KLF12: variants seen among roughly 807,000 people sequenced by gnomAD.
KLF12 encodes KLF transcription factor 12.
In KLF12, 9 loss-of-function variants were observed where a neutral mutation model predicts 37.8. That is an observed-to-expected ratio of 0.24 (90% CI 0.14 to 0.42). The LOEUF is 0.42. Ranked by LOEUF, KLF12 falls within the 10% of genes least tolerant of loss-of-function variation. The probability of loss-of-function intolerance (pLI) is 1.00; values close to 1 mark genes in which losing one functional copy is unlikely to be tolerated. For missense variants in KLF12, 411 were observed against 516.0 expected (o/e 0.80, Z 1.97); for synonymous variants, 208 against 202.1 (o/e 1.03, Z -0.25).
At chr13:74,240,032 C>T in the KLF12 span, among the ~76,000 whole-genome samples, 1 of 151,666 alleles carries the variant, frequency 6.6e-6, no homozygotes, top group Non-Finnish European at 1.5e-5. Flanking sequence ...CAGTTTCTTC[C>T]TAGTCTCGAT....
At chr13:73,870,187 G>T (rs1205896332) in intron 3 of KLF12, among the ~76,000 whole-genome samples, 1 of 152,136 alleles carries the variant, frequency 6.6e-6, no homozygotes, top group African/African-American at 2.4e-5. Context: ...TCATCAAGCA[G>T]TTCTTCCTTC....
the KLF12 span, among the ~76,000 whole-genome samples, chr13:74,278,385 C>A: frequency 6.6e-6 from 1 of 152,170 alleles, no homozygotes; most frequent in South Asian, 2.1e-4. Context: ...ATGTGTTCAT[C>A]ACCGACATGG....
chr13:74,082,211 T>C (rs1874957034), intron 1 of KLF12, among the ~76,000 whole-genome samples: 1 of 148,214 alleles, frequency 6.7e-6, no homozygotes, highest in Non-Finnish European at 1.5e-5. Flanking sequence ...TGCGTACCTG[T>C]AATCCCAGCT....
chr13:74,041,634 A>T (rs1004455554), intron 1 of KLF12, among the ~76,000 whole-genome samples: 5 of 151,476 alleles, frequency 3.3e-5, no homozygotes, highest in African/African-American at 1.2e-4. Flanking sequence ...GCTCAGCGTA[A>T]TGAAAGAGAA....
chr13:73,804,970 G>A (rs1882482108), intron 5 of KLF12, among the ~76,000 whole-genome samples: 1 of 152,142 alleles, frequency 6.6e-6, no homozygotes. Flanking sequence ...CCAAATACAT[G>A]AGCTTTCTTG....
chr13:74,151,779 A>G, the KLF12 span, among the ~76,000 whole-genome samples: 1 of 152,224 alleles, frequency 6.6e-6, no homozygotes, highest in Non-Finnish European at 1.5e-5. Flanking sequence ...CAGACTTGAC[A>G]GAAGTAACCT....
chr13:74,050,263 A>T (rs1487165312), intron 1 of KLF12, among the ~76,000 whole-genome samples: 1 of 152,196 alleles, frequency 6.6e-6, no homozygotes, highest in Admixed American at 6.5e-5. Context: ...AAGGAAAATT[A>T]TTTCCAATCT....
At chr13:73,782,333 T>A (rs1309047679) in intron 5 of KLF12, among the ~76,000 whole-genome samples, 1 of 152,198 alleles carries the variant, frequency 6.6e-6, no homozygotes, top group East Asian at 1.9e-4. Context: ...CTGACATGTG[T>A]CCCTGGCTGT....
chr13:73,885,817 C>A (rs1887195032), intron 3 of KLF12, among the ~76,000 whole-genome samples: 1 of 152,116 alleles, frequency 6.6e-6, no homozygotes, highest in African/African-American at 2.4e-5. Flanking sequence ...TTAGAGAAAC[C>A]ATTTAGGAGA....
chr13:74,199,822 G>A, the KLF12 span, among the ~76,000 whole-genome samples: 2 of 152,034 alleles, frequency 1.3e-5, no homozygotes, highest in Non-Finnish European at 2.9e-5. Context: ...CAAAAAAATG[G>A]GATACAACAG....
At chr13:74,214,041 A>G in the KLF12 span, among the ~76,000 whole-genome samples, 3 of 152,208 alleles carry the variant, frequency 2.0e-5, no homozygotes, top group Non-Finnish European at 2.9e-5. Flanking sequence ...ATTGTTGCTC[A>G]GAGCTGAGTC....
chr13:74,127,083 T>A (rs1365822764), intron 1 of KLF12, among the ~76,000 whole-genome samples: 1 of 152,184 alleles, frequency 6.6e-6, no homozygotes, highest in African/African-American at 2.4e-5. Context: ...TAGCTCGTTG[T>A]AGCCCTGAAC....
chr13:74,149,540 T>TA, the KLF12 span, among the ~76,000 whole-genome samples: 1 of 152,312 alleles, frequency 6.6e-6, no homozygotes, highest in South Asian at 2.1e-4. Context: ...CCACTTCCAT[T>TA]GTTACTACCC....
At chr13:73,806,682 C>T (rs570488637) in intron 5 of KLF12, among the ~76,000 whole-genome samples, 2 of 151,188 alleles carry the variant, frequency 1.3e-5, no homozygotes, top group Non-Finnish European at 2.9e-5. Flanking sequence ...AAGAAAACTT[C>T]TGAGACCTCT....
At chr13:73,919,182 T>C (rs1447199635) in intron 3 of KLF12, among the ~76,000 whole-genome samples, 4 of 152,198 alleles carry the variant, frequency 2.6e-5, no homozygotes, top group African/African-American at 7.2e-5. Context: ...AGAAAATTCA[T>C]TGATTTAGTT....
At chr13:74,139,236 C>T in the KLF12 span, among the ~76,000 whole-genome samples, 1 of 152,228 alleles carries the variant, frequency 6.6e-6, no homozygotes. Context: ...GGTTCTCACA[C>T]CTTTCTACTT....
At chr13:73,822,576 A>G (rs1047400866) in intron 4 of KLF12, among the ~76,000 whole-genome samples, 1 of 152,210 alleles carries the variant, frequency 6.6e-6, no homozygotes, top group African/African-American at 2.4e-5. Context: ...TTAAAAAATA[A>G]TAATAAAATA....
chr13:74,205,777 A>T, the KLF12 span, among the ~76,000 whole-genome samples: 1 of 152,156 alleles, frequency 6.6e-6, no homozygotes, highest in Admixed American at 6.6e-5. Flanking sequence ...GGACACACTT[A>T]GCTGAGTTTG....
chr13:73,951,580 T>C (rs1206113826), intron 2 of KLF12, among the ~76,000 whole-genome samples: 1 of 152,154 alleles, frequency 6.6e-6, no homozygotes, highest in Non-Finnish European at 1.5e-5. Context: ...GCTCCTGATA[T>C]ATCAAGAGAC....
Sources: gnomAD v4.1 joint callset for allele counts (sites outside exome capture counted in the v4.1 genomes callset) on GRCh38, gnomAD v4.1.1 for gene constraint, MANE v1.5 for transcripts, NCBI Gene and HGNC (gene_info 2026-07-23, HGNC 2026-07-21) for gene names.